ELMOD3: variants seen among roughly 807,000 people sequenced by gnomAD.
ELMOD3 encodes the protein ELMO domain containing 3, also known as ELMO domain-containing protein 3.
Under a neutral mutation model 47.4 loss-of-function variants are expected in ELMOD3, and 36 were observed. The ratio of observed to expected loss-of-function variants is 0.76; its 90% CI spans 0.58 to 1.00. The LOEUF (loss-of-function observed/expected upper bound fraction) is 1.00, where lower values mean the gene tolerates loss of function less well. Ranked by LOEUF, ELMOD3 falls within the 50% of genes least tolerant of loss-of-function variation. ELMOD3 has a pLI of 0.00. For missense variants in ELMOD3, 404 were observed against 463.8 expected (o/e 0.87, Z 1.18); for synonymous variants, 149 against 183.5 (o/e 0.81, Z 1.52).
At chr2:85,365,153 G>A (rs1480297495) in intron 6 of ELMOD3, among the ~76,000 whole-genome samples, 1 of 149,674 alleles carries the variant, frequency 6.7e-6, no homozygotes, top group African/African-American at 2.4e-5. Flanking sequence ...AATAAATGTA[G>A]GCTGGGCACG....
chr2:85,359,619 A>G (rs1683803015), intron 4 of ELMOD3, among the ~76,000 whole-genome samples: 1 of 152,006 alleles, frequency 6.6e-6, no homozygotes, highest in Non-Finnish European at 1.5e-5. Context: ...TAGTAGAAAC[A>G]GGGTTTCACC....
chr2:85,389,702 A>T, intron 11 of ELMOD3, 49 bp from the exon 12 acceptor site: 1 of 1,543,300 alleles, frequency 6.5e-7, no homozygotes, highest in Middle Eastern at 1.7e-4. Flanking sequence ...ATGACAGGAA[A>T]CACAGTGAGA....
chr2:85,391,069 G>C lies in ELMOD3; in HGVS notation c.*107G>C. ...GGCCGCACCCCTTGCTGTCTCAGCA[G>C]ATGGGATATAGGAAGCTCCTGGGCT... On this transcript the variant is annotated 3_prime_UTR_variant, in exon 14 of 14. Transcript: ENST00000409013. 1 of 1,136,516 alleles carries C rather than the reference G, an allele frequency of 8.8e-7. No individual in the cohort carries two copies. 70.4% of individuals were successfully genotyped at this position (1,136,516 alleles called of 1,614,324 possible).
In ELMOD3 at chr2:85,389,989, T is replaced by G. The variant is rs769803963; in HGVS notation, c.816-149T>G. 3 of 1,074,466 alleles carry G rather than the reference T, an allele frequency of 2.8e-6. No homozygotes were observed. In the African/African-American group the frequency reaches 4.6e-5, roughly 17 times the overall value. 66.6% of individuals were successfully genotyped at this position (1,074,466 alleles called of 1,614,324 possible). A position where few individuals can be genotyped will look rare whatever the true frequency, so the allele number is the denominator to read the frequency against. ...CCCAGGACATCCCTTCTCCCACCCC[T>G]GGCCTTAGATGTCAGGCTCCTGGGG... On this transcript the variant is annotated intron_variant, in intron 12 of 13. Transcript: ENST00000409013.
rs138817445 is a variant in ELMOD3 at position 85,376,567 on chromosome 2, C to T, written c.608-777C>T. Reference sequence around the variant, plus strand: ...GAAAGATAAAGTCCCAGCTCCCTGCCCGGCCTTCTCTGACGCTACCCTTGT... The same window carrying T: ...GAAAGATAAAGTCCCAGCTCCCTGCTCGGCCTTCTCTGACGCTACCCTTGT... On this transcript the variant is annotated intron_variant, in intron 10 of 13. Transcript: ENST00000409013. The surrounding 1 kb of genome is among the most constrained non-coding windows in gnomAD (Gnocchi z 4.2). Among the ~76,000 whole-genome samples the T allele has an allele frequency of 2.0e-4, 30 of 152,290 alleles. No individual in the cohort carries two copies. Among genetic ancestry groups the T allele is most frequent in the African/African-American group, 7.0e-4 (29 of 41,560 alleles).
At chr2:85,367,724 A>G (rs1684491600) in intron 6 of ELMOD3, 1 of 152,174 alleles carries the variant, frequency 6.6e-6, no homozygotes, top group Non-Finnish European at 1.5e-5. Context: ...GAAAAGAAAA[A>G]TGCATTTAAT....
chr2:85,388,509 G>A (rs924911056), intron 11 of ELMOD3, among the ~76,000 whole-genome samples: 6 of 152,204 alleles, frequency 3.9e-5, no homozygotes, highest in African/African-American at 1.4e-4. Context: ...TTTCACAGAG[G>A]TTGGGTGACC....
Position 85,367,598 on chromosome 2 carries a change from A to C in ELMOD3, c.200-1088A>C, listed in dbSNP as rs1684481527. ...AAGTGCATTTAAGGCTGGTCCGAGTAGAATGATTTTTACAACGAATTGATC... is the reference window on the plus strand; with the variant it reads ...AAGTGCATTTAAGGCTGGTCCGAGTCGAATGATTTTTACAACGAATTGATC... On this transcript the variant is annotated intron_variant, in intron 6 of 13. Transcript: ENST00000409013. The C allele has an allele frequency of 3.3e-5, 5 of 152,388 alleles. No individual in the cohort carries two copies. The South Asian group carries it at 1.0e-3, about 32-fold the overall frequency. The allele number at this position is 152,388 out of a possible 1,614,324, so 9.4% of individuals were successfully genotyped here. A position where few individuals can be genotyped will look rare whatever the true frequency, so the allele number is the denominator to read the frequency against.
chr2:85,359,758 T>G (rs184004398), intron 4 of ELMOD3, among the ~76,000 whole-genome samples: 9 of 152,172 alleles, frequency 5.9e-5, no homozygotes, highest in Admixed American at 4.6e-4. Context: ...TTTTTTTGTT[T>G]TGTTTTGTTT....
chr2:85,359,932 G>T (rs1683831333), intron 4 of ELMOD3, among the ~76,000 whole-genome samples: 1 of 151,904 alleles, frequency 6.6e-6, no homozygotes, highest in South Asian at 2.1e-4. Context: ...GGCTACATGG[G>T]CATGGTGGTG....
chr2:85,355,495 A>C (rs920146760), intron 2 of ELMOD3, 60 bp from the exon 3 acceptor site: 1 of 152,174 alleles, frequency 6.6e-6, no homozygotes. Context: ...ACTATCAGGA[A>C]TTTGCCTTTG....
At position 85,361,984 on chromosome 2, in the gene ELMOD3, T is replaced by C. The variant is rs191378818; in HGVS notation, c.55-202T>C. ...GGAGGAGGGAGAGGATCAGGAAAAA[T>C]AACTAGTGGGTACTAGGTCAAATAC... On this transcript the variant is annotated intron_variant, in intron 4 of 13. Transcript: ENST00000409013. 1.9e-3 allele frequency among the ~76,000 whole-genome samples: 291 copies of C among 149,816 alleles called. 2 individuals are homozygous for C. The highest frequency in any genetic ancestry group is 6.9e-3 in the African/African-American group (282 of 40,720).
chr2:85,386,132 G>A (rs780150266), intron 11 of ELMOD3, among the ~76,000 whole-genome samples: 15 of 152,156 alleles, frequency 9.9e-5, no homozygotes, highest in Non-Finnish European at 1.8e-4. Context: ...AGCAGCAGCC[G>A]CAGAAGATAC....
chr2:85,390,282 G>A lies in ELMOD3; in HGVS notation c.943+17G>A, dbSNP rs1686249686. ...TCCTCAAAGGTGTGCTCTTTCTTCT[G>A]GGGAGGCCTAGGCTGAATGCACAGT... On this transcript the variant is annotated intron_variant, in intron 13 of 13. Coordinates refer to ENST00000409013, the MANE Select transcript of ELMOD3 (RefSeq NM_001135022.2). 2 of 1,614,004 alleles carry A rather than the reference G, an allele frequency of 1.2e-6. No individual in the cohort carries two copies. Among genetic ancestry groups the A allele is most frequent in the Admixed American group, 1.7e-5 (1 of 60,000 alleles).
chr2:85,374,690 T>G (rs1685044245), intron 10 of ELMOD3, among the ~76,000 whole-genome samples: 1 of 152,032 alleles, frequency 6.6e-6, no homozygotes, highest in South Asian at 2.1e-4. Flanking sequence ...CGCATGCTTA[T>G]AGTCCCAGCT....
intron 11 of ELMOD3, among the ~76,000 whole-genome samples, chr2:85,388,408 C>G (rs1004075640): frequency 6.6e-6 from 1 of 152,192 alleles, no homozygotes; most frequent in Non-Finnish European, 1.5e-5. Flanking sequence ...GGCTCAGGCT[C>G]TAAGGAGTCT....
Position 85,358,142 on chromosome 2 carries a change from G to A in ELMOD3, c.54+890G>A, listed in dbSNP as rs530609742. Among the ~76,000 whole-genome samples the A allele has an allele frequency of 8.6e-5, 13 of 152,036 alleles. No homozygotes were observed. The South Asian group carries it at 2.5e-3, about 29-fold the overall frequency. On this transcript the variant is annotated intron_variant, in intron 4 of 13. Coordinates refer to ENST00000409013, the MANE Select transcript of ELMOD3 (RefSeq NM_001135022.2). ...TAAAAATACAAAATTATCTGGGCAT[G>A]GTGGTGCATGCCTGTAATCCCAGCT...
chr2:85,369,461 C>T (rs556180721), intron 7 of ELMOD3, among the ~76,000 whole-genome samples: 6 of 152,316 alleles, frequency 3.9e-5, no homozygotes, highest in Non-Finnish European at 7.4e-5. Flanking sequence ...CTTGCCCCCT[C>T]GTAGATGAGA....
chr2:85,364,395 C>T (rs867659616), intron 6 of ELMOD3, among the ~76,000 whole-genome samples: 2 of 151,866 alleles, frequency 1.3e-5, no homozygotes, highest in South Asian at 2.1e-4. Context: ...ACCAGCCTGA[C>T]CAACATAGTT....
Sources: allele counts gnomAD v4.1 joint callset (sites outside exome capture counted in the v4.1 genomes callset), GRCh38; gene constraint gnomAD v4.1.1; non-coding constraint Gnocchi (gnomAD v3.1); transcripts MANE v1.5; gene names NCBI Gene and HGNC (gene_info 2026-07-23, HGNC 2026-07-21).